Variants in IMMP2L observed in about 807,000 individuals in gnomAD.
IMMP2L encodes the protein mitochondrial inner membrane protease subunit 2.
In IMMP2L, 18 loss-of-function variants were observed where a neutral mutation model predicts 19.3. That is an observed-to-expected ratio of 0.93 (90% CI 0.64 to 1.38). The LOEUF (loss-of-function observed/expected upper bound fraction) is 1.38, where lower values mean the gene tolerates loss of function less well. Ranked by LOEUF, IMMP2L falls within the 40% of genes most tolerant of loss-of-function variation. The pLI, the probability that IMMP2L is intolerant of heterozygous loss-of-function variation, is 0.00. For synonymous variants in IMMP2L, 76 were observed against 73.0 expected (o/e 1.04, Z -0.21); for missense variants, 233 against 218.2 (o/e 1.07, Z -0.43).
chr7:111,070,568 G>A (rs758281005), intron 3 of IMMP2L, among the ~76,000 whole-genome samples: 48 of 151,956 alleles, frequency 3.2e-4, no homozygotes, highest in Non-Finnish European at 6.2e-4. Flanking sequence ...AGTTGTTTTT[G>A]CAAAAGAGAC....
chr7:111,498,098 T>C (rs1231043037), intron 2 of IMMP2L, among the ~76,000 whole-genome samples: 1 of 152,008 alleles, frequency 6.6e-6, no homozygotes, highest in Non-Finnish European at 1.5e-5. Context: ...TTTTTAAAGT[T>C]TGTGTTCTTT....
intron 3 of IMMP2L, among the ~76,000 whole-genome samples, chr7:111,076,232 G>T (rs985297798): frequency 2.0e-5 from 3 of 152,112 alleles, no homozygotes; most frequent in African/African-American, 7.2e-5. Context: ...GGAGATGCAG[G>T]CTAAACTCCA....
chr7:111,464,803 T>C (rs1179471883), intron 3 of IMMP2L, among the ~76,000 whole-genome samples: 15 of 152,254 alleles, frequency 9.9e-5, no homozygotes, highest in African/African-American at 3.4e-4. Context: ...ATTTTATTTT[T>C]TCCCGAAACG....
intron 4 of IMMP2L, chr7:110,962,875 T>C (rs1585470063): frequency 1.5e-6 from 2 of 1,321,636 alleles, no homozygotes; most frequent in Non-Finnish European, 1.9e-6. Flanking sequence ...TACAACTTGT[T>C]TAAAGAAAGC....
intron 3 of IMMP2L, among the ~76,000 whole-genome samples, chr7:111,060,034 C>CT (rs1793877659): frequency 6.6e-6 from 1 of 152,100 alleles, no homozygotes; most frequent in East Asian, 1.9e-4. Context: ...GCCAGCATTT[C>CT]TTTCAGTGTC....
chr7:111,253,746 C>A (rs1816397495), intron 3 of IMMP2L, among the ~76,000 whole-genome samples: 1 of 152,096 alleles, frequency 6.6e-6, no homozygotes, highest in South Asian at 2.1e-4. Context: ...AAGACTGCCA[C>A]ATAGAACTTG....
At chr7:111,021,068 T>C (rs1016635123) in intron 3 of IMMP2L, among the ~76,000 whole-genome samples, 1 of 152,228 alleles carries the variant, frequency 6.6e-6, no homozygotes, top group African/African-American at 2.4e-5. Context: ...AGCTACAACA[T>C]AATTAATAAA....
chr7:110,843,979 T>C (rs987075370), intron 5 of IMMP2L, among the ~76,000 whole-genome samples: 16 of 152,142 alleles, frequency 1.1e-4, no homozygotes, highest in African/African-American at 3.4e-4. Context: ...TGTTACAGAC[T>C]GGGTTTCGTG....
chr7:110,795,233 C>CT (rs145670616), intron 5 of IMMP2L, among the ~76,000 whole-genome samples: 7,490 of 152,086 alleles, frequency 0.049, 573 homozygotes, highest in African/African-American at 0.16. Context: ...CCCAGCCTTG[C>CT]TTTTTTTACT....
At chr7:110,893,892 A>G (rs1811066312) in intron 4 of IMMP2L, among the ~76,000 whole-genome samples, 1 of 151,614 alleles carries the variant, frequency 6.6e-6, no homozygotes, top group Non-Finnish European at 1.5e-5. Context: ...CCCACCTCCT[A>G]CTCGGTTCTT....
intron 5 of IMMP2L, among the ~76,000 whole-genome samples, chr7:110,739,451 C>G (rs552945821): frequency 6.6e-6 from 1 of 152,168 alleles, no homozygotes; most frequent in African/African-American, 2.4e-5. Context: ...AAAGCAACAG[C>G]AGTTAAAAAA....
At chr7:111,208,722 A>C (rs1004727813) in intron 3 of IMMP2L, among the ~76,000 whole-genome samples, 4 of 152,222 alleles carry the variant, frequency 2.6e-5, no homozygotes, top group African/African-American at 4.8e-5. Flanking sequence ...AATACACAGC[A>C]GAAAATGCAA....
intron 3 of IMMP2L, among the ~76,000 whole-genome samples, chr7:111,270,958 A>T (rs1255467770): frequency 6.6e-6 from 1 of 152,166 alleles, no homozygotes; most frequent in Non-Finnish European, 1.5e-5. Context: ...AGACTATTAT[A>T]TACTCCATTA....
At chr7:111,537,919 G>A (rs1316689192) in intron 1 of IMMP2L, among the ~76,000 whole-genome samples, 1 of 151,726 alleles carries the variant, frequency 6.6e-6, no homozygotes, top group Non-Finnish European at 1.5e-5. Context: ...TTGTCTCTGG[G>A]CCCTTATACA....
At chr7:111,131,092 TA>T (rs796328606) in intron 3 of IMMP2L, among the ~76,000 whole-genome samples, 1 of 151,864 alleles carries the variant, frequency 6.6e-6, no homozygotes, top group East Asian at 1.9e-4. Flanking sequence ...CCTTTGAGTG[TA>T]AAAAAATTTC....
chr7:110,739,094 C>T (rs1046809686), intron 5 of IMMP2L, among the ~76,000 whole-genome samples: 16 of 152,086 alleles, frequency 1.1e-4, no homozygotes, highest in Non-Finnish European at 2.2e-4. Context: ...TTGAAATACA[C>T]CAAAATTGAA....
intron 5 of IMMP2L, among the ~76,000 whole-genome samples, chr7:110,855,011 C>A (rs1806614969): frequency 1.3e-5 from 2 of 151,862 alleles, no homozygotes; most frequent in African/African-American, 4.8e-5. Context: ...CATGAAAGGA[C>A]AGTTATAATA....
At chr7:111,201,550 T>TA (rs901699404) in intron 3 of IMMP2L, among the ~76,000 whole-genome samples, 1 of 151,492 alleles carries the variant, frequency 6.6e-6, no homozygotes, top group African/African-American at 2.4e-5. Flanking sequence ...AACTCATCTC[T>TA]AAAAAAAATA....
At position 111,281,132 on chromosome 7, in the gene IMMP2L, GAGAAAGAC is replaced by G. The variant is rs1266550378; in HGVS notation, c.239+206098_239+206105del. Among the ~76,000 whole-genome samples the G allele has an allele frequency of 5.0e-3, 457 of 90,682 alleles. 11 individuals are homozygous for G. Among genetic ancestry groups the G allele is most frequent in the Middle Eastern group, 0.024 (4 of 168 alleles). The allele number at this position is 90,682 out of a possible 152,430, so 59.5% of individuals were successfully genotyped here. On this transcript the variant is annotated intron_variant, in intron 3 of 5. Coordinates refer to ENST00000405709, the MANE Select transcript of IMMP2L (RefSeq NM_032549.4). ...AGAGAAAGAGAGAAAGAGAGAAAGA[GAGAAAGAC>G]AGAAAGACAGAAAGACAGAAAGAAA...
Sources: allele counts gnomAD v4.1 joint callset (sites outside exome capture counted in the v4.1 genomes callset), GRCh38; gene constraint gnomAD v4.1.1; transcripts MANE v1.5; gene names NCBI Gene and HGNC (gene_info 2026-07-23, HGNC 2026-07-21).